CAPSL: variants seen among roughly 807,000 people sequenced by gnomAD.
CAPSL encodes calcyphosin-like protein.
CAPSL carries 17 observed loss-of-function variants against 21.3 expected under a neutral mutation model. The ratio of observed to expected loss-of-function variants is 0.80; its 90% CI spans 0.55 to 1.20. The LOEUF is 1.20. CAPSL is among the 50% of genes most tolerant of loss of function. The pLI is 0.00. For synonymous variants in CAPSL, 102 were observed against 89.3 expected, an observed-to-expected ratio of 1.14 and a Z score of -0.80; for missense variants, 289 against 259.3, an observed-to-expected ratio of 1.11 and a Z score of -0.79.
intron 1 of CAPSL, among the ~76,000 whole-genome samples, chr5:35,932,095 C>G (rs1463722267): frequency 1.3e-5 from 2 of 152,044 alleles, no homozygotes; most frequent in African/African-American, 4.8e-5. Flanking sequence ...GAAATCTAGT[C>G]AATTATTTGT....
At chr5:35,910,103 G>T in intron 3 of CAPSL, 28 bp from the exon 4 acceptor site, 1 of 1,548,558 alleles carries the variant, frequency 6.5e-7, no homozygotes, top group African/African-American at 1.4e-5. Flanking sequence ...TACATACAGA[G>T]ACATACATAA....
chr5:35,933,127 A>T (rs1054990900), intron 1 of CAPSL, among the ~76,000 whole-genome samples: 1 of 152,198 alleles, frequency 6.6e-6, no homozygotes, highest in African/African-American at 2.4e-5. Context: ...CTCTGGCCTT[A>T]TATAGAAACA....
intron 1 of CAPSL, among the ~76,000 whole-genome samples, chr5:35,929,316 G>A (rs535340655): frequency 4.3e-4 from 56 of 128,926 alleles, no homozygotes; most frequent in East Asian, 2.5e-3. Flanking sequence ...ACAGAGTCTC[G>A]CTCTGTTGCC....
At chr5:35,927,279 G>C (rs1478958633) in intron 1 of CAPSL, among the ~76,000 whole-genome samples, 2 of 152,146 alleles carry the variant, frequency 1.3e-5, no homozygotes, top group Non-Finnish European at 2.9e-5. Flanking sequence ...CCCACCTCTT[G>C]ATGCTGTTAA....
intron 4 of CAPSL, 46 bp downstream of exon 4, chr5:35,909,820 A>G (rs1238528419): frequency 6.7e-7 from 1 of 1,497,698 alleles, no homozygotes; most frequent in Non-Finnish European, 9.1e-7. Context: ...CCCATTTACA[A>G]TTTCGAATTG....
chr5:35,937,842 A>T (rs1472734015), intron 1 of CAPSL, among the ~76,000 whole-genome samples: 1 of 151,634 alleles, frequency 6.6e-6, no homozygotes, highest in Admixed American at 6.6e-5. Context: ...TAAGTCAAAA[A>T]AAAAAAACAG....
In CAPSL at chr5:35,904,346, T is replaced by C; in HGVS notation, c.*199A>G. 1 of 596,302 alleles carries C rather than the reference T, an allele frequency of 1.7e-6. No homozygotes were observed. Among genetic ancestry groups the C allele is most frequent in the Non-Finnish European group, 3.0e-6 (1 of 335,100 alleles). 36.9% of individuals were successfully genotyped at this position (596,302 alleles called of 1,614,324 possible). ...CTATTTTAGAACAAAGGAAACAGTC[T>C]TAGGCAAGGCAAACTCACAGTTGGC... On this transcript the variant is annotated 3_prime_UTR_variant, in exon 5 of 5. Coordinates refer to ENST00000651391, the MANE Select transcript of CAPSL (RefSeq NM_001042625.2).
At chr5:35,928,577 G>A (rs1212865828) in intron 1 of CAPSL, among the ~76,000 whole-genome samples, 1 of 152,178 alleles carries the variant, frequency 6.6e-6, no homozygotes, top group Non-Finnish European at 1.5e-5. Context: ...TAACTCTTCA[G>A]GTGATAATTA....
At chr5:35,930,108 A>G (rs939705482) in intron 1 of CAPSL, among the ~76,000 whole-genome samples, 2 of 152,104 alleles carry the variant, frequency 1.3e-5, no homozygotes, top group Non-Finnish European at 2.9e-5. Flanking sequence ...ACTTCCACAT[A>G]CCACATAAAG....
At chr5:35,908,223 C>T (rs1406500095) in intron 4 of CAPSL, among the ~76,000 whole-genome samples, 1 of 152,180 alleles carries the variant, frequency 6.6e-6, no homozygotes, top group South Asian at 2.1e-4. Context: ...TGGACTCCAT[C>T]CTCCAAAAAA....
chr5:35,919,056 A>G (rs1482767132), intron 2 of CAPSL, among the ~76,000 whole-genome samples: 1 of 151,468 alleles, frequency 6.6e-6, no homozygotes, highest in Non-Finnish European at 1.5e-5. Flanking sequence ...AAGAAGCTCT[A>G]TTTGGAAAAC....
chr5:35,917,299 T>A (rs1338544392), intron 2 of CAPSL, among the ~76,000 whole-genome samples: 1 of 152,150 alleles, frequency 6.6e-6, no homozygotes, highest in African/African-American at 2.4e-5. Context: ...ATTGTGGAAG[T>A]CAGTGTGGCA....
At chr5:35,925,864 G>A (rs561202222) in intron 1 of CAPSL, among the ~76,000 whole-genome samples, 3 of 152,206 alleles carry the variant, frequency 2.0e-5, no homozygotes, top group East Asian at 3.9e-4. Context: ...ATCACCTGAG[G>A]TCAGGAGTTC....
intron 1 of CAPSL, among the ~76,000 whole-genome samples, chr5:35,928,509 T>G (rs573635298): frequency 2.6e-5 from 4 of 152,064 alleles, no homozygotes; most frequent in African/African-American, 9.7e-5. Flanking sequence ...CGGAGCCCAT[T>G]TGAGTTTGAA....
chr5:35,928,386 C>A (rs1039075912), intron 1 of CAPSL, among the ~76,000 whole-genome samples: 1 of 152,138 alleles, frequency 6.6e-6, no homozygotes, highest in Non-Finnish European at 1.5e-5. Flanking sequence ...GATGTCCTCC[C>A]GAAGAGACTG....
At chr5:35,907,469 A>G (rs1173434561) in intron 4 of CAPSL, among the ~76,000 whole-genome samples, 1 of 152,216 alleles carries the variant, frequency 6.6e-6, no homozygotes, top group African/African-American at 2.4e-5. Context: ...ATAAGAAGTA[A>G]ATGTCTCACC....
At chr5:35,935,901 C>A (rs1738933998) in intron 1 of CAPSL, among the ~76,000 whole-genome samples, 1 of 152,158 alleles carries the variant, frequency 6.6e-6, no homozygotes, top group Non-Finnish European at 1.5e-5. Flanking sequence ...TAACTTGGTT[C>A]AATTTGCCCA....
chr5:35,924,758 A>G (rs1372544882), intron 1 of CAPSL, among the ~76,000 whole-genome samples: 2 of 152,170 alleles, frequency 1.3e-5, no homozygotes, highest in Non-Finnish European at 2.9e-5. Flanking sequence ...AATAGCCTAG[A>G]GTCTTCATTA....
intron 1 of CAPSL, among the ~76,000 whole-genome samples, chr5:35,933,016 C>T (rs184113456): frequency 5.7e-4 from 87 of 152,300 alleles, no homozygotes; most frequent in African/African-American, 2.0e-3. Context: ...CAACCACATA[C>T]GTGTATTTCT....
Sources: gnomAD v4.1 joint callset for allele counts (sites outside exome capture counted in the v4.1 genomes callset) on GRCh38, gnomAD v4.1.1 for gene constraint, MANE v1.5 for transcripts, NCBI Gene and HGNC (gene_info 2026-07-23, HGNC 2026-07-21) for gene names.